Variants in CSMD1 observed in about 807,000 individuals in gnomAD.
CSMD1 encodes the protein CUB and Sushi multiple domains 1.
Under a neutral mutation model 417.5 loss-of-function variants are expected in CSMD1, and 213 were observed. That is an observed-to-expected ratio of 0.51 (90% confidence interval 0.46 to 0.57). CSMD1 has a LOEUF of 0.57. Ranked by LOEUF, CSMD1 falls within the 20% of genes least tolerant of loss-of-function variation. The pLI, the probability that CSMD1 is intolerant of heterozygous loss-of-function variation, is 0.00. For missense variants in CSMD1, 6,923 were observed against 4,529.7 expected (o/e 1.53, Z -15.17); for synonymous variants, 2,862 against 1,736.8 (o/e 1.65, Z -16.11).
At chr8:4,806,810 G>A (rs1036838780) in intron 1 of CSMD1, among the ~76,000 whole-genome samples, 57 of 152,102 alleles carry the variant, frequency 3.7e-4, no homozygotes, top group African/African-American at 1.3e-3. Context: ...CTCATGCTAT[G>A]AATTTGAGGG....
At chr8:3,405,012 A>G (rs1036420063) in intron 15 of CSMD1, among the ~76,000 whole-genome samples, 1 of 152,198 alleles carries the variant, frequency 6.6e-6, no homozygotes, top group African/African-American at 2.4e-5. Flanking sequence ...TTATGACTCA[A>G]AGGACAAGAA....
At chr8:4,817,378 G>C (rs919080177) in intron 1 of CSMD1, among the ~76,000 whole-genome samples, 4 of 152,160 alleles carry the variant, frequency 2.6e-5, no homozygotes, top group African/African-American at 9.7e-5. Context: ...TTAAAAAAAT[G>C]AGGCCTGCTT....
Position 3,662,639 on chromosome 8 carries a change from A to G in CSMD1, c.1009+45775T>C, listed in dbSNP as rs557619878. Among the ~76,000 whole-genome samples, 37 of 152,320 alleles carry G rather than the reference A, an allele frequency of 2.4e-4. 1 individual carries two copies. The South Asian group carries it at 7.5e-3, about 31-fold the overall frequency. On this transcript the variant is annotated intron_variant, in intron 7 of 69. Coordinates refer to ENST00000635120, the MANE Select transcript of CSMD1 (RefSeq NM_033225.6). ...ACACTGTCTTCCAGAATGGTTGAAT[A>G]CACCATTTTTTATGCAGCCATGAAG...
At chr8:4,529,601 C>G (rs1467043279) in intron 2 of CSMD1, among the ~76,000 whole-genome samples, 1 of 152,094 alleles carries the variant, frequency 6.6e-6, no homozygotes, top group East Asian at 1.9e-4. Flanking sequence ...GGCAGTGTTG[C>G]CAGATTTAAC....
intron 2 of CSMD1, among the ~76,000 whole-genome samples, chr8:4,554,181 G>T (rs1284429359): frequency 1.3e-5 from 2 of 152,136 alleles, no homozygotes; most frequent in Non-Finnish European, 2.9e-5. Flanking sequence ...CTGTCGCCCA[G>T]GCTGGAGTGC....
chr8:3,982,515 T>C (rs1289796391), intron 5 of CSMD1, among the ~76,000 whole-genome samples: 1 of 152,164 alleles, frequency 6.6e-6, no homozygotes, highest in Non-Finnish European at 1.5e-5. Flanking sequence ...TCATAAATTA[T>C]GTGCATACCA....
chr8:3,907,994 A>G (rs1232970793), intron 5 of CSMD1, among the ~76,000 whole-genome samples: 1 of 151,974 alleles, frequency 6.6e-6, no homozygotes, highest in Non-Finnish European at 1.5e-5. Context: ...ATGTGCTCTG[A>G]TATGTTCACA....
At chr8:4,508,104 C>CAAAAAAAAAAAAAAAAA (rs1563242302) in intron 2 of CSMD1, among the ~76,000 whole-genome samples, 8 of 138,860 alleles carry the variant, frequency 5.8e-5, no homozygotes, top group South Asian at 2.2e-4. Flanking sequence ...AAAAAAAAAA[C>CAAAAAAAAAAAAAAAAA]CCCAAAAAAC....
chr8:4,796,256 G>A (rs1053044653), intron 1 of CSMD1, among the ~76,000 whole-genome samples: 1 of 151,920 alleles, frequency 6.6e-6, no homozygotes, highest in African/African-American at 2.4e-5. Context: ...TTTGCTGTGA[G>A]GCTGGAACAA....
intron 2 of CSMD1, among the ~76,000 whole-genome samples, chr8:4,621,512 A>G (rs1801777892): frequency 6.6e-6 from 1 of 152,140 alleles, no homozygotes; most frequent in Non-Finnish European, 1.5e-5. Flanking sequence ...GAAGAAAGAG[A>G]CAATCTATAC....
chr8:4,102,818 G>A (rs889611404), intron 3 of CSMD1, among the ~76,000 whole-genome samples: 6 of 152,066 alleles, frequency 3.9e-5, no homozygotes, highest in Non-Finnish European at 5.9e-5. Flanking sequence ...TGTGCAGCCC[G>A]CATTCATATC....
rs1323128937 is a variant in CSMD1 at position 4,266,747 on chromosome 8, T to C, written c.415+153206A>G. Among the ~76,000 whole-genome samples the C allele has an allele frequency of 7.6e-5, 8 of 105,206 alleles. 4 individuals carry two copies. Among genetic ancestry groups the C allele is most frequent in the Non-Finnish European group, 2.1e-4 (8 of 39,016 alleles). 69.0% of individuals were successfully genotyped at this position (105,206 alleles called of 152,430 possible). Reference sequence around the variant, plus strand: ...TTCTAATTTTTTGTCTAATAAAAATTTGATGATCTATAAATCCTCAAAATA... The same window carrying C: ...TTCTAATTTTTTGTCTAATAAAAATCTGATGATCTATAAATCCTCAAAATA... On this transcript the variant is annotated intron_variant, in intron 3 of 69. Transcript: ENST00000635120.
intron 3 of CSMD1, among the ~76,000 whole-genome samples, chr8:4,300,779 G>A (rs186802920): frequency 2.0e-5 from 3 of 152,126 alleles, no homozygotes; most frequent in Admixed American, 6.5e-5. Context: ...GTGAGAACAT[G>A]CAGTGTTTGG....
At chr8:3,536,422 G>C (rs190333709) in intron 10 of CSMD1, among the ~76,000 whole-genome samples, 6 of 152,358 alleles carry the variant, frequency 3.9e-5, no homozygotes, top group East Asian at 3.9e-4. Context: ...AATGGGCTTA[G>C]AGTCAGAAAG....
chr8:3,964,479 G>C (rs79249802), intron 5 of CSMD1, among the ~76,000 whole-genome samples: 5 of 152,180 alleles, frequency 3.3e-5, no homozygotes, highest in East Asian at 3.9e-4. Flanking sequence ...TCATTTTGCC[G>C]CATTTGTATT....
intron 3 of CSMD1, among the ~76,000 whole-genome samples, chr8:4,288,308 G>A (rs1175414969): frequency 6.6e-6 from 1 of 152,016 alleles, no homozygotes; most frequent in Non-Finnish European, 1.5e-5. Context: ...ACTATTTTTG[G>A]GGCCACCCTG....
intron 6 of CSMD1, among the ~76,000 whole-genome samples, chr8:3,716,182 T>C (rs1378848776): frequency 6.6e-6 from 1 of 152,204 alleles, no homozygotes; most frequent in African/African-American, 2.4e-5. Flanking sequence ...GGGATGGGTG[T>C]TGCCTATGGC....
intron 1 of CSMD1, among the ~76,000 whole-genome samples, chr8:4,760,766 T>C (rs1401538006): frequency 1.3e-5 from 2 of 152,198 alleles, no homozygotes; most frequent in Non-Finnish European, 2.9e-5. Context: ...AGCTAAGTTT[T>C]AGAACTAAAT....
At chr8:3,899,284 A>C (rs1347299669) in intron 5 of CSMD1, among the ~76,000 whole-genome samples, 1 of 152,176 alleles carries the variant, frequency 6.6e-6, no homozygotes, top group Non-Finnish European at 1.5e-5. Context: ...CCCTGCTAAG[A>C]AATGGCACTT....
Sources: gnomAD v4.1 joint callset for allele counts (sites outside exome capture counted in the v4.1 genomes callset) on GRCh38, gnomAD v4.1.1 for gene constraint, MANE v1.5 for transcripts, NCBI Gene and HGNC (gene_info 2026-07-23, HGNC 2026-07-21) for gene names.